Variants in GALNTL6 observed in about 807,000 individuals in gnomAD.
GALNTL6 encodes polypeptide N-acetylgalactosaminyltransferase like 6.
Under a neutral mutation model 73.7 loss-of-function variants are expected in GALNTL6, and 46 were observed. The ratio of observed to expected loss-of-function variants is 0.62; its 90% CI spans 0.49 to 0.80. The LOEUF is 0.80. Ranked by LOEUF, GALNTL6 falls within the 30% of genes least tolerant of loss-of-function variation. The pLI, the probability that GALNTL6 is intolerant of heterozygous loss-of-function variation, is 0.00. For missense variants in GALNTL6, 604 were observed against 755.0 expected (o/e 0.80, Z 2.34); for synonymous variants, 259 against 263.7 (o/e 0.98, Z 0.17).
At chr4:171,827,438 G>A (rs1423611322) in intron 2 of GALNTL6, among the ~76,000 whole-genome samples, 2 of 152,130 alleles carry the variant, frequency 1.3e-5, no homozygotes, top group African/African-American at 2.4e-5. Flanking sequence ...TTTGAATTAT[G>A]TAATTTCACA....
At chr4:172,500,776 T>C (rs937934959) in intron 5 of GALNTL6, among the ~76,000 whole-genome samples, 3 of 151,976 alleles carry the variant, frequency 2.0e-5, no homozygotes, top group Non-Finnish European at 2.9e-5. Flanking sequence ...GAGGCAAAAA[T>C]AGGAGTAAAT....
At chr4:172,231,719 A>G (rs1737076669) in intron 3 of GALNTL6, among the ~76,000 whole-genome samples, 1 of 152,166 alleles carries the variant, frequency 6.6e-6, no homozygotes, top group South Asian at 2.1e-4. Flanking sequence ...ATTTGGACAT[A>G]TTGGAAACTC....
intron 11 of GALNTL6, among the ~76,000 whole-genome samples, chr4:173,016,343 C>A (rs1752781712): frequency 6.6e-6 from 1 of 152,186 alleles, no homozygotes. Context: ...CAGCTTGCAC[C>A]ATGCACCTGA....
intron 10 of GALNTL6, among the ~76,000 whole-genome samples, chr4:173,000,026 T>G (rs1440835553): frequency 6.6e-6 from 1 of 152,124 alleles, no homozygotes; most frequent in African/African-American, 2.4e-5. Context: ...ACCAATACAC[T>G]GCCCCAGTCT....
chr4:171,843,200 A>C (rs931971098), intron 2 of GALNTL6, among the ~76,000 whole-genome samples: 4 of 152,150 alleles, frequency 2.6e-5, no homozygotes, highest in African/African-American at 9.7e-5. Context: ...GCATCGTAGC[A>C]GGACACACTT....
At chr4:172,111,987 G>C (rs1189909080) in intron 2 of GALNTL6, among the ~76,000 whole-genome samples, 1 of 151,888 alleles carries the variant, frequency 6.6e-6, no homozygotes, top group African/African-American at 2.4e-5. Flanking sequence ...TGTACTATAG[G>C]CTTGCACGAT....
intron 5 of GALNTL6, among the ~76,000 whole-genome samples, chr4:172,528,963 ATGTGTGTG>A (rs373123425): frequency 0.025 from 764 of 30,000 alleles, 10 homozygotes; most frequent in East Asian, 0.097. Context: ...ATATATATAT[ATGTGTGTG>A]TATATTTATA....
chr4:172,602,054 G>A lies in GALNTL6; in HGVS notation c.554-207307G>A, dbSNP rs186522062. On this transcript the variant is annotated intron_variant, in intron 5 of 12. Coordinates refer to ENST00000506823, the MANE Select transcript of GALNTL6 (RefSeq NM_001034845.3). ...AAACCAATACTGAAGACAATAAAATGAAACTTCTAATATAAAGAAAAGAGA... is the reference window on the plus strand; with the variant it reads ...AAACCAATACTGAAGACAATAAAATAAAACTTCTAATATAAAGAAAAGAGA... 8.5e-3 allele frequency among the ~76,000 whole-genome samples: 1,297 copies of A among 152,006 alleles called. 24 individuals are homozygous for A. Among genetic ancestry groups the A allele is most frequent in the African/African-American group, 0.03 (1,244 of 41,478 alleles).
At chr4:172,079,574 G>A (rs1026554070) in intron 2 of GALNTL6, among the ~76,000 whole-genome samples, 3 of 151,916 alleles carry the variant, frequency 2.0e-5, no homozygotes, top group African/African-American at 4.8e-5. Context: ...ACAATTTTGC[G>A]ATAAATATTA....
chr4:172,471,337 G>A (rs1733040906), intron 5 of GALNTL6, among the ~76,000 whole-genome samples: 1 of 152,142 alleles, frequency 6.6e-6, no homozygotes, highest in South Asian at 2.1e-4. Context: ...GCAATCAAAT[G>A]AATTTCTTTA....
intron 3 of GALNTL6, among the ~76,000 whole-genome samples, chr4:172,300,897 G>T (rs1739889667): frequency 6.6e-6 from 1 of 152,108 alleles, no homozygotes; most frequent in South Asian, 2.1e-4. Flanking sequence ...TGTATTTCCT[G>T]AATTTGAATG....
rs115980335 is a variant in GALNTL6 at position 172,322,189 on chromosome 4, T to C, written c.386+10437T>C. ...AACCCCAAGTCAAAATGTCGAACCA[T>C]GCACTTGATCACTCAAGTCATGCAC... On this transcript the variant is annotated intron_variant, in intron 4 of 12. Coordinates refer to ENST00000506823, the MANE Select transcript of GALNTL6 (RefSeq NM_001034845.3). Among the ~76,000 whole-genome samples the C allele has an allele frequency of 2.4e-3, 368 of 152,268 alleles. 2 individuals carry two copies. The highest frequency in any genetic ancestry group is 8.2e-3 in the African/African-American group (339 of 41,558).
intron 5 of GALNTL6, among the ~76,000 whole-genome samples, chr4:172,781,190 G>A (rs1230833126): frequency 6.6e-6 from 1 of 152,174 alleles, no homozygotes; most frequent in Non-Finnish European, 1.5e-5. Context: ...ACCAACCATA[G>A]AACCTTAAAT....
intron 5 of GALNTL6, among the ~76,000 whole-genome samples, chr4:172,564,368 A>C (rs557239147): frequency 6.6e-6 from 1 of 152,348 alleles, no homozygotes; most frequent in African/African-American, 2.4e-5. Flanking sequence ...TTCTAGTGGG[A>C]AAAAGATTCC....
chr4:172,445,223 G>C (rs568654095), intron 5 of GALNTL6, among the ~76,000 whole-genome samples: 23 of 152,084 alleles, frequency 1.5e-4, no homozygotes, highest in African/African-American at 5.5e-4. Context: ...TTTAATTCTT[G>C]CATTTATGAT....
At chr4:171,953,099 T>C (rs896345628) in intron 2 of GALNTL6, among the ~76,000 whole-genome samples, 1 of 152,140 alleles carries the variant, frequency 6.6e-6, no homozygotes, top group African/African-American at 2.4e-5. Flanking sequence ...AAGTATACTT[T>C]ACTGAAAGGC....
At chr4:171,839,472 T>C (rs1051253476) in intron 2 of GALNTL6, among the ~76,000 whole-genome samples, 1 of 152,092 alleles carries the variant, frequency 6.6e-6, no homozygotes, top group African/African-American at 2.4e-5. Context: ...TTATGTCTCT[T>C]TTCTACTGTC....
chr4:171,979,422 A>C (rs1739823726), intron 2 of GALNTL6, among the ~76,000 whole-genome samples: 1 of 152,214 alleles, frequency 6.6e-6, no homozygotes, highest in Non-Finnish European at 1.5e-5. Flanking sequence ...CCAGGCAAAA[A>C]TAAAGCAGAC....
intron 5 of GALNTL6, among the ~76,000 whole-genome samples, chr4:172,592,748 C>T (rs1168229287): frequency 6.6e-6 from 1 of 151,678 alleles, no homozygotes; most frequent in Non-Finnish European, 1.5e-5. Context: ...CTGGGATCTT[C>T]TCATGCCAGT....
Sources: gnomAD v4.1 joint callset for allele counts (sites outside exome capture counted in the v4.1 genomes callset) on GRCh38, gnomAD v4.1.1 for gene constraint, MANE v1.5 for transcripts, NCBI Gene and HGNC (gene_info 2026-07-23, HGNC 2026-07-21) for gene names.